MGAM: variants seen among roughly 807,000 people sequenced by gnomAD.
MGAM encodes the protein maltase-glucoamylase.
In MGAM, 253 loss-of-function variants were observed where a neutral mutation model predicts 358.8. The ratio of observed to expected loss-of-function variants is 0.71; its 90% CI spans 0.64 to 0.78. The LOEUF is 0.78. Ranked by LOEUF, MGAM falls within the 30% of genes least tolerant of loss-of-function variation. The pLI is 0.00. For synonymous variants in MGAM, 1,105 were observed against 1,227.1 expected (o/e 0.90, Z 2.08); for missense variants, 3,080 against 3,432.6 (o/e 0.90, Z 2.57).
chr7:142,097,188 C>T (rs1476907690), intron 65 of MGAM, among the ~76,000 whole-genome samples: 5 of 152,030 alleles, frequency 3.3e-5, no homozygotes, highest in Non-Finnish European at 5.9e-5. Flanking sequence ...CCGCCTGACT[C>T]GGCCTCCCAA....
chr7:142,022,049 G>T (rs1806513913), intron 6 of MGAM, among the ~76,000 whole-genome samples: 1 of 152,108 alleles, frequency 6.6e-6, no homozygotes, highest in Admixed American at 6.5e-5. Context: ...GTAGTAGGCT[G>T]TCTGGTCTGG....
chr7:142,088,113 G>A (rs569722613), intron 57 of MGAM, among the ~76,000 whole-genome samples: 1 of 146,284 alleles, frequency 6.8e-6, no homozygotes, highest in Non-Finnish European at 1.5e-5. Context: ...GCTCTGATAG[G>A]GTAGGGAGAA....
At chr7:141,996,053 G>C (rs2128973105) in intron 1 of MGAM, 123 bp downstream of exon 1, 1 of 152,436 alleles carries the variant, frequency 6.6e-6, no homozygotes, top group African/African-American at 2.4e-5. Context: ...GCTCACACTT[G>C]TAATCCCAGC....
chr7:142,074,693 T>C lies in MGAM; in HGVS notation c.5275+520T>C, dbSNP rs1488206780. On this transcript the variant is annotated intron_variant, in intron 45 of 70. Coordinates refer to ENST00000475668, the MANE Select transcript of MGAM (RefSeq NM_001365693.1). ...TGCCTTGGAAGCCCTTGGAAGGGAA[T>C]CTTTGCAATGTTCTGGTAGAAAAGA... Among the ~76,000 whole-genome samples, 7 of 146,460 alleles carry C rather than the reference T, an allele frequency of 4.8e-5. 2 individuals carry two copies. Among genetic ancestry groups the C allele is most frequent in the Non-Finnish European group, 1.1e-4 (7 of 64,696 alleles).
In MGAM at chr7:142,074,620, A is replaced by T. The variant is rs947809322; in HGVS notation, c.5275+447A>T. On this transcript the variant is annotated intron_variant, in intron 45 of 70. Transcript: ENST00000475668. ...AGCATATTTGTGGGTCCAGTATACT[A>T]ACAATTCTTGTTCTTCAAGTTTAGG... 5.5e-5 allele frequency among the ~76,000 whole-genome samples: 8 copies of T among 146,166 alleles called. 1 individual carries two copies. Among genetic ancestry groups the T allele is most frequent in the African/African-American group, 1.5e-4 (6 of 41,146 alleles).
chr7:142,020,251 T>C (rs28437665), intron 4 of MGAM, among the ~76,000 whole-genome samples: 5,607 of 152,176 alleles, frequency 0.037, 348 homozygotes, highest in African/African-American at 0.13. Flanking sequence ...TACCATTTAA[T>C]TAGGGAGATG....
chr7:142,036,206 C>T lies in MGAM; in HGVS notation c.1997C>T (p.Pro666Leu). The change falls in exon 17 of 71, where the codon CCT becomes CTT. Residue 666 changes from proline to leucine, a missense_variant. By Grantham distance (98) the Pro-to-Leu change is moderately conservative (BLOSUM62 -3). This residue lies in a region of MGAM where 1,816 missense variants were observed against 1,840.5 expected (regional missense o/e 0.99). Transcript: ENST00000475668. Reference protein sequence around the residue: ...PDICGFALDTPEELCRRWMQL... With the variant: ...PDICGFALDTLEELCRRWMQL... ...ATATGTGGCTTTGCTTTGGACACCC[C>T]TGAGGAGCTCTGTAGGCGGTGGATG... The T allele has an allele frequency of 6.2e-7, 1 of 1,612,362 alleles. No homozygotes were observed. Among genetic ancestry groups the T allele is most frequent in the Non-Finnish European group, 8.5e-7 (1 of 1,179,276 alleles).
At chr7:142,056,272 A>G (rs919159777) in intron 29 of MGAM, among the ~76,000 whole-genome samples, 176 bp downstream of exon 29, 2 of 152,222 alleles carry the variant, frequency 1.3e-5, no homozygotes, top group African/African-American at 4.8e-5. Context: ...ATCATGTAAT[A>G]AGAAGATTTA....
rs565252028 is a variant in MGAM at position 142,036,818 on chromosome 7, C to T, written c.2077-5C>T. Reference sequence around the variant, plus strand: ...CCACAACTGCAAACTCCTATTTCCTCCCAGGACCAGGATCCTGCCTCCTTT... The same window carrying T: ...CCACAACTGCAAACTCCTATTTCCTTCCAGGACCAGGATCCTGCCTCCTTT... On this transcript the variant is annotated splice_polypyrimidine_tract_variant and splice_region_variant and intron_variant, in intron 17 of 70. Coordinates refer to ENST00000475668, the MANE Select transcript of MGAM (RefSeq NM_001365693.1). The T allele has an allele frequency of 1.6e-4, 259 of 1,612,894 alleles. 5 individuals are homozygous for T. In the South Asian group the frequency reaches 2.7e-3, roughly 17 times the overall value.
chr7:142,064,611 T>A, intron 37 of MGAM, 89 bp downstream of exon 37: 2 of 1,469,530 alleles, frequency 1.4e-6, no homozygotes, highest in Non-Finnish European at 1.8e-6. Flanking sequence ...TTTCATTCCA[T>A]TTCTAAGGAT....
intron 15 of MGAM, 29 bp from the exon 16 acceptor site, chr7:142,034,641 T>C (rs1554465100): frequency 3.7e-6 from 6 of 1,601,476 alleles, no homozygotes; most frequent in Admixed American, 1.7e-5. Flanking sequence ...AGATCCCACA[T>C]TGACTCCTTA....
intron 42 of MGAM, among the ~76,000 whole-genome samples, chr7:142,067,939 T>TATATATATATATATATATAA (rs1812912368): frequency 2.8e-5 from 1 of 36,162 alleles, no homozygotes; most frequent in East Asian, 8.3e-4. Flanking sequence ...CCCTCAAATA[T>TATATATATATATATATATAA]ATATATATAT....
Position 142,082,506 on chromosome 7 carries a change from A to G in MGAM, c.6203A>G (p.Tyr2068Cys). The G allele has an allele frequency of 6.5e-7, 1 of 1,535,188 alleles. No homozygotes were observed. The highest frequency in any genetic ancestry group is 1.8e-5 in the Admixed American group (1 of 56,452). Residue 2068 changes from tyrosine (Y) to cysteine (C), a missense_variant, in exon 52 of 71, where the codon TAC becomes TGC. Tyr to Cys is a radical substitution (Grantham distance 194, BLOSUM62 -2). Transcript: ENST00000475668. ...YKKNSYGVHP[Y>C]YMGLEEDGSA... Reference sequence around the variant, plus strand: ...AAGAATTCCTATGGTGTCCACCCCTACTACATGGGGCTAGAGGAGGATGGC... The same window carrying G: ...AAGAATTCCTATGGTGTCCACCCCTGCTACATGGGGCTAGAGGAGGATGGC...
chr7:142,060,975 T>C (rs1353003984), intron 34 of MGAM, among the ~76,000 whole-genome samples: 2 of 152,118 alleles, frequency 1.3e-5, no homozygotes, highest in African/African-American at 4.8e-5. Context: ...TTGTTGCTTG[T>C]AATGGATCCA....
chr7:142,089,621 T>G lies in MGAM; in HGVS notation c.6811-2292T>G, dbSNP rs149886641. The stretch of plus-strand genomic sequence containing the variant: ...ACCTGACCACCATGGTGAAACCCCA[T>G]CTTTACTAAAAATACAAAAGTTAGC... On this transcript the variant is annotated intron_variant, in intron 57 of 70. Coordinates refer to ENST00000475668, the MANE Select transcript of MGAM (RefSeq NM_001365693.1). 7.8e-3 allele frequency among the ~76,000 whole-genome samples: 1,128 copies of G among 145,442 alleles called. 57 individuals are homozygous for G. Among genetic ancestry groups the G allele is most frequent in the African/African-American group, 0.025 (1,039 of 41,116 alleles).
In MGAM at chr7:142,034,369, G is replaced by A. The variant is rs183598889; in HGVS notation, c.1777G>A (p.Ala593Thr). 30 of 1,573,706 alleles carry A rather than the reference G, an allele frequency of 1.9e-5. No homozygotes were observed. The highest frequency in any genetic ancestry group is 8.1e-5 in the African/African-American group (6 of 74,220). The part of the protein sequence containing the change: ...HNLYGYSMAV[A>T]TAEAAKTVFP... ...TCTGTATGGCTACTCCATGGCGGTC[G>A]CCACAGCAGAGTAAGGCCACTATGG... is the stretch of plus-strand genomic sequence containing the variant. The change falls in exon 15 of 71, where the codon GCC becomes ACC. Residue 593 changes from alanine (A) to threonine (T), a missense_variant. Around this residue, in one of 5 missense-constraint regions of MGAM, gnomAD observed 1,816 missense variants for 1,840.5 expected, o/e 0.99. Coordinates refer to ENST00000475668, the MANE Select transcript of MGAM (RefSeq NM_001365693.1).
intron 2 of MGAM, among the ~76,000 whole-genome samples, 192 bp from the exon 3 acceptor site, chr7:142,008,314 G>T (rs1805324761): frequency 6.6e-6 from 1 of 152,112 alleles, no homozygotes; most frequent in Admixed American, 6.6e-5. Flanking sequence ...AGAAGGAGAT[G>T]ATATAGAGAT....
chr7:142,046,201 G>T (rs1360284163), intron 21 of MGAM, among the ~76,000 whole-genome samples: 4 of 146,174 alleles, frequency 2.7e-5, no homozygotes, highest in African/African-American at 1.0e-4. Flanking sequence ...AGATGATTTT[G>T]TCTTTCTTCT....
chr7:142,068,654 G>A lies in MGAM; in HGVS notation c.5012G>A (p.Arg1671Lys). 3.9e-6 allele frequency: 6 copies of A among 1,539,170 alleles called. 1 individual carries two copies. Among genetic ancestry groups the A allele is most frequent in the Non-Finnish European group, 5.4e-6 (6 of 1,119,170 alleles). ...LVSPVLERNA[R>K]NVTAYFPRAR... ...GTTTGTGTTTCATTTTAGAATGCCA[G>A]AAATGTCACTGCATATTTCCCTAGA... The change falls in exon 43 of 71, where the codon AGA becomes AAA. Residue 1671 changes from arginine (R) to lysine (K), a missense_variant. Coordinates refer to ENST00000475668, the MANE Select transcript of MGAM (RefSeq NM_001365693.1).
Sources: allele counts gnomAD v4.1 joint callset (sites outside exome capture counted in the v4.1 genomes callset), GRCh38; gene constraint gnomAD v4.1.1; regional missense constraint gnomAD v4.1.1; transcripts MANE v1.5; gene names NCBI Gene and HGNC (gene_info 2026-07-23, HGNC 2026-07-21).